Variants in MCUB observed in about 807,000 individuals in gnomAD.
The protein encoded by MCUB is mitochondrial calcium uniporter dominant negative subunit beta, also known as calcium uniporter regulatory subunit MCUb, mitochondrial.
In MCUB, 46 loss-of-function variants were observed where a neutral mutation model predicts 41.4. The observed-to-expected ratio is 1.11, with a 90% CI of 0.88 to 1.42. The LOEUF (loss-of-function observed/expected upper bound fraction) is 1.42, where lower values mean the gene tolerates loss of function less well. Ranked by LOEUF, MCUB falls within the 40% of genes most tolerant of loss-of-function variation. The pLI is 0.00. For synonymous variants in MCUB, 148 were observed against 148.2 expected, an observed-to-expected ratio of 1.00 and a Z score of 0.01; for missense variants, 403 against 404.9, an observed-to-expected ratio of 1.00 and a Z score of 0.04.
At position 109,660,295 on chromosome 4, in the gene MCUB, A is replaced by T. The variant is rs766328651; in HGVS notation, c.276A>T (p.Thr92=). 14 of 1,604,700 alleles carry T rather than the reference A, an allele frequency of 8.7e-6. No homozygotes were observed. In the South Asian group the frequency reaches 1.5e-4, roughly 18 times the overall value. ...TCGTAGTCAAACCAATGTTGTCAAC[A>T]GTTGGTTCATTCCTTCAGGACCTAC... is the stretch of plus-strand genomic sequence containing the variant. ...CQFVVKPMLS[T]VGSFLQDLQN... is the part of the protein sequence containing the mutation. Residue 92 remains threonine (T), a synonymous_variant, in exon 3 of 8, where the codon ACA becomes ACT. Coordinates refer to ENST00000394650, the MANE Select transcript of MCUB (RefSeq NM_017918.5).
intron 1 of MCUB, among the ~76,000 whole-genome samples, chr4:109,658,318 A>G (rs948956836): frequency 5.3e-5 from 8 of 151,364 alleles, no homozygotes; most frequent in Middle Eastern, 3.4e-3. Flanking sequence ...TTTTTTTAAG[A>G]CAGAGTTTTG....
chr4:109,564,301 AT>A (rs1726719801), intron 1 of MCUB, among the ~76,000 whole-genome samples: 1 of 151,846 alleles, frequency 6.6e-6, no homozygotes, highest in Admixed American at 6.6e-5. Context: ...GGGCCAGCTA[AT>A]TTTTTGTATT....
intron 1 of MCUB, among the ~76,000 whole-genome samples, chr4:109,596,500 G>T (rs1347166148): frequency 6.6e-6 from 1 of 151,640 alleles, no homozygotes; most frequent in Non-Finnish European, 1.5e-5. Flanking sequence ...TGCCCTTCTT[G>T]CCAGCCCTTA....
chr4:109,574,157 G>C (rs2126125268), intron 1 of MCUB, among the ~76,000 whole-genome samples: 1 of 152,096 alleles, frequency 6.6e-6, no homozygotes, highest in Admixed American at 6.6e-5. Context: ...GCCCGACTGG[G>C]GCTGCATATT....
rs145320366 is a variant in MCUB, at chr4:109,655,291, CGTG to C, written c.100-3717_100-3715del. 6.7e-3 allele frequency among the ~76,000 whole-genome samples: 1,016 copies of C among 152,284 alleles called. 8 individuals are homozygous for C. Among genetic ancestry groups the C allele is most frequent in the Middle Eastern group, 0.041 (12 of 294 alleles). On this transcript the variant is annotated intron_variant, in intron 1 of 7. Transcript: ENST00000394650. The stretch of plus-strand genomic sequence containing the variant: ...GTTGGATTATGTCACCCTCCCAACA[CGTG>C]GTTGCATTCACCAACCTGAAAATTC...
chr4:109,629,227 T>G (rs1159964224), intron 1 of MCUB, among the ~76,000 whole-genome samples: 1 of 152,068 alleles, frequency 6.6e-6, no homozygotes, highest in African/African-American at 2.4e-5. Flanking sequence ...ACCTCTGCCT[T>G]CTGGGTTCAA....
chr4:109,567,416 C>G (rs1726807186), intron 1 of MCUB, among the ~76,000 whole-genome samples: 1 of 151,952 alleles, frequency 6.6e-6, no homozygotes, highest in Non-Finnish European at 1.5e-5. Context: ...ATGTTATGTA[C>G]AAACATAGTA....
chr4:109,683,327 A>G (rs1328879381), intron 5 of MCUB: 1 of 152,236 alleles, frequency 6.6e-6, no homozygotes, highest in African/African-American at 2.4e-5. Context: ...ATCTTTGAAT[A>G]TGAATGGAAA....
intron 4 of MCUB, among the ~76,000 whole-genome samples, chr4:109,671,452 T>A (rs188418977): frequency 2.0e-4 from 31 of 152,292 alleles, no homozygotes; most frequent in African/African-American, 7.5e-4. Flanking sequence ...TTTGAGAAAG[T>A]TTCTGTTGGC....
chr4:109,569,743 T>C (rs1726869606), intron 1 of MCUB, among the ~76,000 whole-genome samples: 1 of 152,074 alleles, frequency 6.6e-6, no homozygotes, highest in Non-Finnish European at 1.5e-5. Flanking sequence ...CCTCAGGTGA[T>C]TGGCCTGCCT....
rs370774670 is a variant in MCUB, at chr4:109,602,695, T to C, written c.99+42259T>C. ...GATAGTTTTGGCTAATCTAGGTCTTTTGTGGTTCCATATAAATTTTAGGAT... is the reference window on the plus strand; with the variant it reads ...GATAGTTTTGGCTAATCTAGGTCTTCTGTGGTTCCATATAAATTTTAGGAT... On this transcript the variant is annotated intron_variant, in intron 1 of 7. Transcript: ENST00000394650. Among the ~76,000 whole-genome samples the C allele has an allele frequency of 2.8e-4, 43 of 152,356 alleles. 2 individuals carry two copies. In the East Asian group the frequency reaches 5.2e-3, roughly 18 times the overall value.
intron 1 of MCUB, among the ~76,000 whole-genome samples, chr4:109,617,306 C>A (rs1728148940): frequency 6.6e-6 from 1 of 152,154 alleles, no homozygotes; most frequent in Non-Finnish European, 1.5e-5. Flanking sequence ...CTGTTTAGTG[C>A]ATTGCAGAAT....
At chr4:109,667,998 G>A (rs745378543) in intron 4 of MCUB, among the ~76,000 whole-genome samples, 65 of 151,808 alleles carry the variant, frequency 4.3e-4, no homozygotes, top group Non-Finnish European at 4.9e-4. Context: ...ACTGAGATCC[G>A]AAAGCATACA....
chr4:109,661,459 T>G (rs1729230119), intron 3 of MCUB, among the ~76,000 whole-genome samples: 1 of 152,172 alleles, frequency 6.6e-6, no homozygotes, highest in Non-Finnish European at 1.5e-5. Flanking sequence ...GATTAATTGA[T>G]TCATTCAACA....
chr4:109,579,886 A>G (rs927309502), intron 1 of MCUB, among the ~76,000 whole-genome samples: 20 of 152,206 alleles, frequency 1.3e-4, no homozygotes, highest in Non-Finnish European at 2.6e-4. Context: ...AAAACTTTTT[A>G]TTATTTTTTT....
intron 1 of MCUB, among the ~76,000 whole-genome samples, chr4:109,581,146 T>C (rs929269081): frequency 3.3e-5 from 5 of 152,170 alleles, no homozygotes; most frequent in African/African-American, 1.2e-4. Flanking sequence ...AAGGCTACAG[T>C]AACCAAAACA....
intron 4 of MCUB, chr4:109,681,372 A>G: frequency 2.5e-6 from 1 of 406,732 alleles, no homozygotes; most frequent in Non-Finnish European, 4.9e-6. Flanking sequence ...CCTCTGGTGC[A>G]GTCTCCAAGC....
intron 4 of MCUB, among the ~76,000 whole-genome samples, chr4:109,682,043 G>A (rs544788439): frequency 1.8e-4 from 27 of 148,680 alleles, no homozygotes; most frequent in Non-Finnish European, 3.4e-4. Flanking sequence ...TTTACCTCCT[G>A]TTTTTGCCTA....
intron 1 of MCUB, among the ~76,000 whole-genome samples, chr4:109,633,490 C>T (rs531419184): frequency 1.6e-4 from 25 of 151,904 alleles, no homozygotes; most frequent in Non-Finnish European, 2.9e-4. Context: ...AGGATGGTCT[C>T]GATCTCCTGA....
Sources: gnomAD v4.1 joint callset for allele counts (sites outside exome capture counted in the v4.1 genomes callset) on GRCh38, gnomAD v4.1.1 for gene constraint, MANE v1.5 for transcripts, NCBI Gene and HGNC (gene_info 2026-07-23, HGNC 2026-07-21) for gene names.